The following SLCO2A1 variants were observed in gnomAD, a reference collection of about 807,000 sequenced individuals.
SLCO2A1 encodes the protein solute carrier organic anion transporter family member 2A1.
SLCO2A1 carries 60 observed loss-of-function variants against 71.7 expected under a neutral mutation model. The observed-to-expected ratio is 0.84, with a 90% CI of 0.68 to 1.04. The LOEUF is 1.04. Among genes scored for constraint, SLCO2A1 ranks in the 50% least tolerant of loss-of-function variants. The pLI, the probability that SLCO2A1 is intolerant of heterozygous loss-of-function variation, is 0.00. For missense variants in SLCO2A1, 745 were observed against 813.4 expected (o/e 0.92, Z 1.02); for synonymous variants, 308 against 326.7 (o/e 0.94, Z 0.62).
chr3:133,987,296 A>C (rs1934740234), intron 1 of SLCO2A1, among the ~76,000 whole-genome samples: 1 of 151,628 alleles, frequency 6.6e-6, no homozygotes, highest in South Asian at 2.1e-4. Context: ...ATTAACATCA[A>C]CACAGACCTG....
chr3:133,988,686 T>C (rs2108063308), intron 1 of SLCO2A1, among the ~76,000 whole-genome samples: 1 of 152,314 alleles, frequency 6.6e-6, no homozygotes, highest in East Asian at 1.9e-4. Context: ...ACCATGCTGC[T>C]GTTCTCTGAA....
At chr3:133,969,482 G>A (rs953529276) in intron 3 of SLCO2A1, among the ~76,000 whole-genome samples, 1 of 152,080 alleles carries the variant, frequency 6.6e-6, no homozygotes, top group African/African-American at 2.4e-5. Context: ...AAACTTCTGG[G>A]CTCAAGTGAT....
chr3:134,024,158 T>G (rs529344153), intron 1 of SLCO2A1, among the ~76,000 whole-genome samples: 1 of 152,248 alleles, frequency 6.6e-6, no homozygotes, highest in Non-Finnish European at 1.5e-5. Context: ...GGCACTCTGC[T>G]GAATAAATGG....
chr3:133,953,546 G>A (rs554759761), intron 5 of SLCO2A1, 117 bp downstream of exon 5: 19 of 743,346 alleles, frequency 2.6e-5, no homozygotes, highest in Middle Eastern at 3.7e-4. Flanking sequence ...AGCGAGTGAG[G>A]AGGTGGCAGA....
intron 12 of SLCO2A1, among the ~76,000 whole-genome samples, chr3:133,937,203 G>T (rs1559927073): frequency 6.6e-6 from 1 of 152,186 alleles, no homozygotes; most frequent in Non-Finnish European, 1.5e-5. Flanking sequence ...GGGCTGAGAG[G>T]AATGTGAGGT....
intron 13 of SLCO2A1, among the ~76,000 whole-genome samples, chr3:133,935,049 C>T (rs999948178): frequency 3.3e-5 from 5 of 152,112 alleles, no homozygotes; most frequent in African/African-American, 9.7e-5. Flanking sequence ...TAATCCAGGG[C>T]TCATCATCCC....
At chr3:133,988,610 G>A (rs373211369) in intron 1 of SLCO2A1, among the ~76,000 whole-genome samples, 14 of 152,310 alleles carry the variant, frequency 9.2e-5, no homozygotes, top group African/African-American at 2.6e-4. Context: ...AGATGTATTC[G>A]GAGCCAGAGT....
chr3:134,007,292 T>A (rs1475720884), intron 1 of SLCO2A1, among the ~76,000 whole-genome samples: 1 of 152,254 alleles, frequency 6.6e-6, no homozygotes, highest in East Asian at 1.9e-4. Context: ...CTTGATTGTG[T>A]CACTTGATGC....
intron 1 of SLCO2A1, among the ~76,000 whole-genome samples, chr3:134,006,059 CCT>C (rs1438161634): frequency 6.6e-6 from 1 of 151,836 alleles, no homozygotes; most frequent in Non-Finnish European, 1.5e-5. Context: ...GCCATCTTAC[CCT>C]TTTTTATTAA....
Position 133,973,708 on chromosome 3 carries a change from G to T in SLCO2A1, c.352C>A (p.Pro118Thr). The T allele has an allele frequency of 6.2e-7, 1 of 1,614,116 alleles. No homozygotes were observed. The highest frequency in any genetic ancestry group is 1.1e-5 in the South Asian group (1 of 91,062). The change falls in exon 3 of 14, where the codon CCA becomes ACA. Residue 118 changes from proline (P) to threonine (T), a missense_variant. Pro to Thr is a conservative substitution (Grantham distance 38). Coordinates refer to ENST00000310926, the MANE Select transcript of SLCO2A1 (RefSeq NM_005630.3). ...LAAGAFILTL[P>T]HFLSEPYQYT... ...TGGTAGGGCTCGGAGAGGAAGTGTGGGAGGGTGAGGATGAAGGCACCTGCA... is the reference window on the plus strand; with the variant it reads ...TGGTAGGGCTCGGAGAGGAAGTGTGTGAGGGTGAGGATGAAGGCACCTGCA...
intron 1 of SLCO2A1, among the ~76,000 whole-genome samples, chr3:134,003,818 A>C (rs1488442849): frequency 6.6e-6 from 1 of 152,294 alleles, no homozygotes. Context: ...TAAAATACAT[A>C]ATCAGTTGAC....
At chr3:134,028,725 C>G (rs1483397462) in intron 1 of SLCO2A1, among the ~76,000 whole-genome samples, 1 of 152,220 alleles carries the variant, frequency 6.6e-6, no homozygotes, top group Non-Finnish European at 1.5e-5. Flanking sequence ...CACCATGATC[C>G]CACCCTGACC....
chr3:133,957,570 T>C (rs1933927461), intron 3 of SLCO2A1, among the ~76,000 whole-genome samples: 1 of 152,138 alleles, frequency 6.6e-6, no homozygotes, highest in South Asian at 2.1e-4. Flanking sequence ...TTTTCAGGGA[T>C]GGAAGAACAT....
chr3:133,955,230 G>A, intron 3 of SLCO2A1, 37 bp from the exon 4 acceptor site: 1 of 1,567,708 alleles, frequency 6.4e-7, no homozygotes, highest in Non-Finnish European at 8.7e-7. Context: ...CACCACCCTG[G>A]TCTCCTGGTT....
chr3:134,026,626 A>T (rs1394408848), intron 1 of SLCO2A1, among the ~76,000 whole-genome samples: 1 of 152,170 alleles, frequency 6.6e-6, no homozygotes, highest in Non-Finnish European at 1.5e-5. Context: ...TGATCAACTG[A>T]ATCATACGGT....
At chr3:133,972,886 T>A (rs1227526744) in intron 3 of SLCO2A1, among the ~76,000 whole-genome samples, 1 of 152,040 alleles carries the variant, frequency 6.6e-6, no homozygotes, top group Non-Finnish European at 1.5e-5. Flanking sequence ...GAAAAAAAAA[T>A]TAATCAACAG....
chr3:133,980,629 A>G (rs1053187194), intron 1 of SLCO2A1, among the ~76,000 whole-genome samples: 5 of 152,234 alleles, frequency 3.3e-5, no homozygotes. Context: ...AGCTCTTTCC[A>G]TGAATGAACA....
chr3:133,935,662 G>A (rs1012596003), intron 13 of SLCO2A1, 112 bp downstream of exon 13: 24 of 1,310,164 alleles, frequency 1.8e-5, no homozygotes, highest in Non-Finnish European at 2.4e-5. Flanking sequence ...GGCCCTTCAT[G>A]TTCTCTTCCT....
intron 12 of SLCO2A1, among the ~76,000 whole-genome samples, chr3:133,938,176 C>T (rs1269196903): frequency 6.6e-6 from 1 of 152,200 alleles, no homozygotes. Context: ...ATTAGGTATT[C>T]TCAGCTGTGT....
Sources: allele counts gnomAD v4.1 joint callset (sites outside exome capture counted in the v4.1 genomes callset), GRCh38; gene constraint gnomAD v4.1.1; transcripts MANE v1.5; gene names NCBI Gene and HGNC (gene_info 2026-07-23, HGNC 2026-07-21).